Variants in COG4 observed in about 807,000 individuals in gnomAD.
COG4 encodes component of oligomeric golgi complex 4.
COG4 carries 65 observed loss-of-function variants against 95.1 expected under a neutral mutation model. The ratio of observed to expected loss-of-function variants is 0.68; its 90% CI spans 0.56 to 0.84. The LOEUF (loss-of-function observed/expected upper bound fraction) is 0.84. COG4 is among the 40% of genes least tolerant of loss of function. The probability of loss-of-function intolerance (pLI) is 0.00; values close to 1 mark genes in which losing one functional copy is unlikely to be tolerated. For missense variants in COG4, 1,045 were observed against 989.1 expected, an observed-to-expected ratio of 1.06 and a Z score of -0.76; for synonymous variants, 421 against 374.8, an observed-to-expected ratio of 1.12 and a Z score of -1.42.
chr16:70,485,640 C>T (rs1030130167), intron 13 of COG4, among the ~76,000 whole-genome samples: 23 of 146,138 alleles, frequency 1.6e-4, no homozygotes, highest in Admixed American at 2.1e-4. Flanking sequence ...GGCTGGAGTG[C>T]AACGACATGA....
intron 13 of COG4, among the ~76,000 whole-genome samples, chr16:70,488,397 G>A (rs2049179828): frequency 1.3e-5 from 2 of 152,128 alleles, no homozygotes; most frequent in South Asian, 4.1e-4. Context: ...AAAGTGCTGG[G>A]ATTATAGGCG....
At chr16:70,493,351 T>C (rs9940353) in intron 12 of COG4, among the ~76,000 whole-genome samples, 18,290 of 151,838 alleles carry the variant, frequency 0.12, 3,649 homozygotes, top group African/African-American at 0.41. Context: ...ATGGTAGCCC[T>C]CAGCCATGTG....
rs2048972872 is a variant in COG4, at chr16:70,480,781, A to G, written c.*229T>C. The G allele has an allele frequency of 3.5e-6, 2 of 568,750 alleles. No homozygotes were observed. Among genetic ancestry groups the G allele is most frequent in the Non-Finnish European group, 6.3e-6 (2 of 319,718 alleles). The allele number at this position is 568,750 out of a possible 1,614,324, so 35.2% of individuals were successfully genotyped here. ...CCTGCCGTGGCTTTCCCACCTCATT[A>G]GGAGCCCGCTTCTCTCGGTGGGGAG... is the stretch of plus-strand genomic sequence containing the variant. On this transcript the variant is annotated 3_prime_UTR_variant, in exon 19 of 19. Transcript: ENST00000323786.
chr16:70,523,220 G>A, intron 1 of COG4, 153 bp downstream of exon 1: 1 of 867,746 alleles, frequency 1.2e-6, no homozygotes, highest in Non-Finnish European at 1.9e-6. Flanking sequence ...GAGTTGACAG[G>A]ACTACTCATA....
intron 6 of COG4, 80 bp downstream of exon 6, chr16:70,509,836 C>A: frequency 9.7e-7 from 1 of 1,032,266 alleles, no homozygotes; most frequent in Admixed American, 1.8e-5. Flanking sequence ...AGTCATCAGG[C>A]TAGAAGGGTG....
At chr16:70,510,046 C>T in intron 5 of COG4, 25 bp from the exon 6 acceptor site, 2 of 1,586,420 alleles carry the variant, frequency 1.3e-6, no homozygotes, top group Non-Finnish European at 1.7e-6. Context: ...AACCCACACA[C>T]ATTCCTCAGA....
At chr16:70,483,030 ACCCCT>A (rs2049038457) in intron 14 of COG4, among the ~76,000 whole-genome samples, 2 of 25,188 alleles carry the variant, frequency 7.9e-5, no homozygotes, top group Non-Finnish European at 7.2e-5. Flanking sequence ...TCCTCTCCCC[ACCCCT>A]TCCCTCTCCT....
Position 70,483,981 on chromosome 16 carries a change from C to G in COG4, c.1711-12G>C. The stretch of plus-strand genomic sequence containing the variant: ...TTGGTGCAGTCACTCTAGGGGAGAA[C>G]ACTGCTGTAAGACCACCGAGCACGC... On this transcript the variant is annotated splice_polypyrimidine_tract_variant and intron_variant, in intron 13 of 18. Coordinates refer to ENST00000323786, the MANE Select transcript of COG4 (RefSeq NM_015386.3). 1 of 1,597,024 alleles carries G rather than the reference C, an allele frequency of 6.3e-7. No individual in the cohort carries two copies. The highest frequency in any genetic ancestry group is 2.2e-5 in the East Asian group (1 of 44,804).
intron 12 of COG4, among the ~76,000 whole-genome samples, chr16:70,495,397 C>CAAAAAAAAA (rs11382671): frequency 2.7e-5 from 3 of 111,330 alleles, no homozygotes; most frequent in African/African-American, 1.1e-4. Context: ...GACTCCATCT[C>CAAAAAAAAA]AAAAAAAAAA....
intron 8 of COG4, among the ~76,000 whole-genome samples, chr16:70,502,619 A>T (rs562902525): frequency 6.6e-6 from 1 of 152,104 alleles, no homozygotes; most frequent in South Asian, 2.1e-4. Context: ...AAAAAAAATT[A>T]TCAGTGTCTC....
At chr16:70,518,091 C>G (rs893834031) in intron 2 of COG4, among the ~76,000 whole-genome samples, 1 of 152,052 alleles carries the variant, frequency 6.6e-6, no homozygotes, top group Non-Finnish European at 1.5e-5. Flanking sequence ...CCACCAAGCC[C>G]AGATAATTTT....
chr16:70,510,616 T>C (rs1043376278), intron 5 of COG4, among the ~76,000 whole-genome samples: 1 of 151,996 alleles, frequency 6.6e-6, no homozygotes, highest in African/African-American at 2.4e-5. Context: ...TGAGCCATTA[T>C]GCCTGGCATG....
Position 70,480,889 on chromosome 16 carries a change from G to T in COG4, c.*121C>A. 1.7e-6 allele frequency: 2 copies of T among 1,197,514 alleles called. No individual in the cohort carries two copies. Among genetic ancestry groups the T allele is most frequent in the Non-Finnish European group, 2.4e-6 (2 of 822,190 alleles). The allele number at this position is 1,197,514 out of a possible 1,614,324, so 74.2% of individuals were successfully genotyped here. On this transcript the variant is annotated 3_prime_UTR_variant, in exon 19 of 19. Transcript: ENST00000323786. ...AGACTTTGTTTCTCTGCTGCCAGCC[G>T]TAGAAAGGTCTGGGCTGTCAGATCT...
intron 1 of COG4, 129 bp from the exon 2 acceptor site, chr16:70,519,860 T>C (rs2049898619): frequency 1.4e-6 from 1 of 732,360 alleles, no homozygotes; most frequent in Admixed American, 2.0e-5. Context: ...ATGTTCTCCT[T>C]AGACTTTAAC....
In COG4 at chr16:70,512,364, C is replaced by G; in HGVS notation, c.613G>C (p.Glu205Gln). ...AEQRLKAIVA[E>Q]KFAIATKEGD... ...TCCTTGGTGGCAATGGCAAACTTCT[C>G]TGCCACAATGGCTTTGAGACGTTGC... Residue 205 changes from glutamate (E) to glutamine (Q), a missense_variant, in exon 5 of 19, where the codon GAG becomes CAG. Coordinates refer to ENST00000323786, the MANE Select transcript of COG4 (RefSeq NM_015386.3). 2 of 1,614,192 alleles carry G rather than the reference C, an allele frequency of 1.2e-6. No homozygotes were observed. Among genetic ancestry groups the G allele is most frequent in the Non-Finnish European group, 1.7e-6 (2 of 1,180,034 alleles).
At chr16:70,506,330 G>C (rs2049565836) in intron 8 of COG4, among the ~76,000 whole-genome samples, 2 of 151,744 alleles carry the variant, frequency 1.3e-5, no homozygotes, top group Non-Finnish European at 2.9e-5. Flanking sequence ...GTGAATCCAG[G>C]AGGCGGAGCT....
chr16:70,520,205 G>A (rs576078607), intron 1 of COG4, among the ~76,000 whole-genome samples: 2 of 152,220 alleles, frequency 1.3e-5, no homozygotes, highest in African/African-American at 4.8e-5. Context: ...GGAGGCCAAG[G>A]CAGGCGGATC....
chr16:70,480,831 G>C lies in COG4; in HGVS notation c.*179C>G. 1 of 692,964 alleles carries C rather than the reference G, an allele frequency of 1.4e-6. No individual in the cohort carries two copies. The highest frequency in any genetic ancestry group is 1.8e-5 in the South Asian group (1 of 55,732). 42.9% of individuals were successfully genotyped at this position (692,964 alleles called of 1,614,324 possible). The stretch of plus-strand genomic sequence containing the variant: ...GATGCTGCCCCCAGAGCATCACCTG[G>C]CCAGGTCTGAGGGCAGAGCATGGAG... On this transcript the variant is annotated 3_prime_UTR_variant, in exon 19 of 19. Transcript: ENST00000323786.
At position 70,481,041 on chromosome 16, in the gene COG4, C is replaced by A; in HGVS notation, c.2339G>T (p.Arg780Leu). 1 of 1,613,104 alleles carries A rather than the reference C, an allele frequency of 6.2e-7. No homozygotes were observed. The highest frequency in any genetic ancestry group is 8.5e-7 in the Non-Finnish European group (1 of 1,180,030). The change falls in exon 19 of 19, where the codon CGC becomes CTC. Residue 780 changes from arginine (R) to leucine (L), a missense_variant. Physicochemically the swap from Arg to Leu is moderately radical, Grantham distance 102. Transcript: ENST00000323786. ...RQVLALRIDF[R>L]SEDIKRLRL is the part of the protein sequence containing the mutation. ...GCGCAGCCTCTTGATATCTTCACTG[C>A]GGAAGTCTATCCGCAGGGCCAGCAC...
Sources: allele counts gnomAD v4.1 joint callset (sites outside exome capture counted in the v4.1 genomes callset), GRCh38; gene constraint gnomAD v4.1.1; transcripts MANE v1.5; gene names NCBI Gene and HGNC (gene_info 2026-07-23, HGNC 2026-07-21).